The following DCUN1D4 variants were observed in gnomAD, a reference collection of about 807,000 sequenced individuals.
The protein encoded by DCUN1D4 is DCN1-like protein 4.
DCUN1D4 carries 22 observed loss-of-function variants against 47.9 expected under a neutral mutation model. The observed-to-expected ratio is 0.46, with a 90% confidence interval of 0.33 to 0.66. The LOEUF (loss-of-function observed/expected upper bound fraction) is 0.66, where lower values mean the gene tolerates loss of function less well. Among genes scored for constraint, DCUN1D4 ranks in the 30% least tolerant of loss-of-function variants. DCUN1D4 has a pLI of 0.02. For missense variants in DCUN1D4, 301 were observed against 340.8 expected (o/e 0.88, Z 0.92); for synonymous variants, 121 against 112.2 (o/e 1.08, Z -0.50).
Position 51,874,378 on chromosome 4 carries a change from C to A in DCUN1D4, c.244C>A (p.His82Asn). The A allele has an allele frequency of 1.2e-6, 2 of 1,608,886 alleles. No individual in the cohort carries two copies. Among genetic ancestry groups the A allele is most frequent in the Non-Finnish European group, 1.7e-6 (2 of 1,175,954 alleles). Reference protein sequence around the residue: ...GDDLSAKKSRHDSMYRKYDST... With the variant: ...GDDLSAKKSRNDSMYRKYDST... ...TGATTTATCTGCCAAGAAAAGTAGACATGATAGGTATGATGTAGAGACAGT... is the reference window on the plus strand; with the variant it reads ...TGATTTATCTGCCAAGAAAAGTAGAAATGATAGGTATGATGTAGAGACAGT... Residue 82 changes from histidine to asparagine, a missense_variant, in exon 4 of 11, where the codon CAT (histidine) becomes AAT (asparagine). This residue lies in a region of DCUN1D4 where 131 missense variants were observed against 106.3 expected (regional missense o/e 1.23). Transcript: ENST00000334635.
At chr4:51,837,754 A>C in the DCUN1D4 span, among the ~76,000 whole-genome samples, 1 of 152,118 alleles carries the variant, frequency 6.6e-6, no homozygotes, top group Non-Finnish European at 1.5e-5. Context: ...GAGGCAAAAA[A>C]AAATCATTGC....
intron 7 of DCUN1D4, among the ~76,000 whole-genome samples, chr4:51,896,415 G>T (rs533159916): frequency 2.4e-4 from 37 of 152,100 alleles, no homozygotes; most frequent in African/African-American, 8.4e-4. Flanking sequence ...ACAAACAACC[G>T]CTCTTCTTCT....
chr4:51,912,341 T>A (rs1024180725), intron 9 of DCUN1D4, among the ~76,000 whole-genome samples: 1 of 152,326 alleles, frequency 6.6e-6, no homozygotes, highest in South Asian at 2.1e-4. Context: ...ATCAACTGTT[T>A]CAGGACTGGT....
At chr4:51,837,774 T>A in the DCUN1D4 span, among the ~76,000 whole-genome samples, 2 of 148,268 alleles carry the variant, frequency 1.3e-5, no homozygotes, top group Non-Finnish European at 3.0e-5. Flanking sequence ...CTAAACGAAA[T>A]TAAAACTGAA....
At chr4:51,883,810 A>G (rs970015608) in intron 5 of DCUN1D4, among the ~76,000 whole-genome samples, 5 of 152,158 alleles carry the variant, frequency 3.3e-5, no homozygotes, top group South Asian at 2.1e-4. Context: ...TCTTTAATAA[A>G]TAGTTGTCTC....
intron 8 of DCUN1D4, among the ~76,000 whole-genome samples, chr4:51,904,970 T>C (rs1285416247): frequency 2.0e-5 from 3 of 152,184 alleles, no homozygotes; most frequent in African/African-American, 7.2e-5. Flanking sequence ...ATATTAAATA[T>C]TCTGAATTCT....
At chr4:51,887,069 T>C (rs1729605721) in intron 6 of DCUN1D4, 3 of 450,096 alleles carry the variant, frequency 6.7e-6, no homozygotes, top group Non-Finnish European at 1.3e-5. Context: ...TTTTCATAGA[T>C]CGTTTACTTC....
At chr4:51,876,231 G>T (rs1319313578) in intron 4 of DCUN1D4, among the ~76,000 whole-genome samples, 1 of 152,072 alleles carries the variant, frequency 6.6e-6, no homozygotes, top group African/African-American at 2.4e-5. Flanking sequence ...GGAATACTAC[G>T]CAGCCATAAA....
intron 1 of DCUN1D4, among the ~76,000 whole-genome samples, chr4:51,845,979 G>A (rs1304983343): frequency 6.6e-6 from 1 of 152,136 alleles, no homozygotes; most frequent in Admixed American, 6.5e-5. Flanking sequence ...CTTAACTCTG[G>A]AATTTTTTCT....
intron 4 of DCUN1D4, among the ~76,000 whole-genome samples, chr4:51,876,534 C>T (rs1259075008): frequency 6.6e-6 from 1 of 151,846 alleles, no homozygotes; most frequent in Non-Finnish European, 1.5e-5. Context: ...CAAACCTGCA[C>T]GTTGTGCACA....
intron 1 of DCUN1D4, among the ~76,000 whole-genome samples, chr4:51,862,134 C>T (rs1482545116): frequency 2.6e-5 from 4 of 152,226 alleles, no homozygotes; most frequent in Non-Finnish European, 4.4e-5. Context: ...CTCTGGCTGT[C>T]TCTCAGCACA....
upstream of DCUN1D4, chr4:51,842,974 A>G (rs1053545206): frequency 7.5e-6 from 8 of 1,064,768 alleles, no homozygotes; most frequent in African/African-American, 1.2e-4. Flanking sequence ...TACGGAGACA[A>G]GGCCCCAGGA....
chr4:51,860,422 A>ATT (rs1724863180), intron 1 of DCUN1D4: 1 of 339,468 alleles, frequency 2.9e-6, no homozygotes, highest in Non-Finnish European at 5.9e-6. Flanking sequence ...TGCAGTCAAC[A>ATT]TTATGAACAT....
At chr4:51,857,929 C>T (rs989906661) in intron 1 of DCUN1D4, among the ~76,000 whole-genome samples, 2 of 152,100 alleles carry the variant, frequency 1.3e-5, no homozygotes, top group African/African-American at 2.4e-5. Flanking sequence ...ATTAATATTA[C>T]GGGATACAGC....
chr4:51,891,416 G>A (rs1730407308), intron 6 of DCUN1D4, among the ~76,000 whole-genome samples: 1 of 152,178 alleles, frequency 6.6e-6, no homozygotes, highest in South Asian at 2.1e-4. Flanking sequence ...TCTGTTTACA[G>A]GTAGACCTAT....
At chr4:51,890,336 G>A (rs1730227645) in intron 6 of DCUN1D4, among the ~76,000 whole-genome samples, 2 of 152,190 alleles carry the variant, frequency 1.3e-5, no homozygotes, top group Admixed American at 1.3e-4. Flanking sequence ...CACAGGGATG[G>A]TGTTTTAATG....
In DCUN1D4 at chr4:51,863,716, G is replaced by A. The variant is rs1249888691; in HGVS notation, c.136+7G>A. On this transcript the variant is annotated splice_region_variant and intron_variant, in intron 3 of 10. Coordinates refer to ENST00000334635, the MANE Select transcript of DCUN1D4 (RefSeq NM_001040402.3). Reference sequence around the variant, plus strand: ...CAAGACGATCACCAAACAGGTATCTGTAAATGCTAACACTACTTAATTTTA... The same window carrying A: ...CAAGACGATCACCAAACAGGTATCTATAAATGCTAACACTACTTAATTTTA... The A allele has an allele frequency of 1.2e-6, 2 of 1,611,846 alleles. No homozygotes were observed. Among genetic ancestry groups the A allele is most frequent in the Non-Finnish European group, 1.7e-6 (2 of 1,179,122 alleles).
intron 1 of DCUN1D4, 173 bp downstream of exon 1, chr4:51,843,440 C>T (rs1331669438): frequency 4.4e-6 from 5 of 1,145,740 alleles, no homozygotes; most frequent in Non-Finnish European, 5.5e-6. Context: ...CTGCGGGCGG[C>T]GTGGGGCGGG....
intron 1 of DCUN1D4, among the ~76,000 whole-genome samples, chr4:51,853,565 C>A (rs911856690): frequency 6.6e-6 from 1 of 152,172 alleles, no homozygotes; most frequent in African/African-American, 2.4e-5. Flanking sequence ...TGGCTACTGG[C>A]ACGCCAGGGA....
Sources: gnomAD v4.1 joint callset for allele counts (sites outside exome capture counted in the v4.1 genomes callset) on GRCh38, gnomAD v4.1.1 for gene constraint, gnomAD v4.1.1 regional missense constraint, MANE v1.5 for transcripts, NCBI Gene and HGNC (gene_info 2026-07-23, HGNC 2026-07-21) for gene names.